STT3B: variants seen among roughly 807,000 people sequenced by gnomAD.
The protein encoded by STT3B is dolichyl-diphosphooligosaccharide--protein glycosyltransferase subunit STT3B.
STT3B carries 29 observed loss-of-function variants against 96.8 expected under a neutral mutation model. The ratio of observed to expected loss-of-function variants is 0.30; its 90% CI spans 0.22 to 0.41. The LOEUF is 0.41. STT3B is among the 10% of genes least tolerant of loss of function. The probability of loss-of-function intolerance (pLI) is 1.00; values close to 1 mark genes in which losing one functional copy is unlikely to be tolerated. For missense variants in STT3B, 640 were observed against 1,022.3 expected (o/e 0.63, Z 5.10); for synonymous variants, 367 against 360.0 (o/e 1.02, Z -0.22).
intron 10 of STT3B, among the ~76,000 whole-genome samples, chr3:31,622,590 T>G (rs2125475959): frequency 6.6e-6 from 1 of 152,284 alleles, no homozygotes; most frequent in African/African-American, 2.4e-5. Context: ...CCTTCCATTT[T>G]TGAGAGCAAA....
intron 6 of STT3B, 116 bp downstream of exon 6, chr3:31,615,319 TCTGA>T: frequency 1.4e-6 from 1 of 698,804 alleles, no homozygotes; most frequent in Non-Finnish European, 2.4e-6. Flanking sequence ...ACCAAAGTAA[TCTGA>T]CTCACAATTA....
chr3:31,619,640 C>G (rs1699384694), intron 8 of STT3B, 36 bp from the exon 9 acceptor site: 1 of 1,568,592 alleles, frequency 6.4e-7, no homozygotes, highest in Non-Finnish European at 8.7e-7. Flanking sequence ...TGTTTTATCA[C>G]TTAATTGTAA....
At chr3:31,606,035 C>G (rs1178220719) in intron 5 of STT3B, among the ~76,000 whole-genome samples, 1 of 152,108 alleles carries the variant, frequency 6.6e-6, no homozygotes, top group African/African-American at 2.4e-5. Context: ...GCATTTTGCC[C>G]CTGCCCTAGA....
chr3:31,549,738 A>G (rs1217056716), intron 1 of STT3B, among the ~76,000 whole-genome samples: 1 of 152,218 alleles, frequency 6.6e-6, no homozygotes, highest in Non-Finnish European at 1.5e-5. Flanking sequence ...ATGTAAATAT[A>G]ACATGTTTAC....
intron 1 of STT3B, among the ~76,000 whole-genome samples, chr3:31,571,594 T>C (rs1698138651): frequency 6.6e-6 from 1 of 152,110 alleles, no homozygotes; most frequent in African/African-American, 2.4e-5. Context: ...AACACATAGA[T>C]TGTCTGTTAC....
intron 1 of STT3B, among the ~76,000 whole-genome samples, chr3:31,548,756 T>C (rs1697477213): frequency 1.3e-5 from 2 of 152,150 alleles, no homozygotes; most frequent in African/African-American, 2.4e-5. Context: ...GGGAGATAAG[T>C]TTTGGTTTCC....
chr3:31,634,460 T>G (rs1699722247), intron 15 of STT3B, among the ~76,000 whole-genome samples: 1 of 152,230 alleles, frequency 6.6e-6, no homozygotes. Flanking sequence ...TAATCTGTCT[T>G]GTGTGCCCAA....
chr3:31,541,839 G>A (rs1040833148), intron 1 of STT3B, among the ~76,000 whole-genome samples: 14 of 152,176 alleles, frequency 9.2e-5, no homozygotes, highest in African/African-American at 3.4e-4. Context: ...GCCTCCCAAA[G>A]TGCTGGGATT....
intron 1 of STT3B, among the ~76,000 whole-genome samples, chr3:31,572,022 AT>A (rs1267636995): frequency 7.4e-5 from 3 of 40,350 alleles, no homozygotes; most frequent in African/African-American, 1.4e-4. Context: ...AAACATATTA[AT>A]ATATATTAAT....
chr3:31,559,150 T>G lies in STT3B; in HGVS notation c.315-17246T>G, dbSNP rs965354889. On this transcript the variant is annotated intron_variant, in intron 1 of 15. Transcript: ENST00000295770. ...TTTTGTTTCATTGATTCTTGGGGTG[T>G]GTGTGTGTGTGTGTGTGTGTGTGTG... Among the ~76,000 whole-genome samples, 349 of 52,194 alleles carry G rather than the reference T, an allele frequency of 6.7e-3. 2 individuals are homozygous for G. The highest frequency in any genetic ancestry group is 0.034 in the African/African-American group (239 of 7,004). The allele number at this position is 52,194 out of a possible 152,430, so 34.2% of individuals were successfully genotyped here.
intron 3 of STT3B, among the ~76,000 whole-genome samples, chr3:31,593,279 T>C (rs144792561): frequency 7.2e-5 from 11 of 152,324 alleles, no homozygotes; most frequent in African/African-American, 2.6e-4. Context: ...GAGTATGTCA[T>C]TCCACTGCCT....
chr3:31,631,136 T>C (rs778889670), intron 14 of STT3B, among the ~76,000 whole-genome samples: 2 of 152,192 alleles, frequency 1.3e-5, no homozygotes, highest in Non-Finnish European at 2.9e-5. Context: ...GTGGCTAATA[T>C]GGACTAGAAT....
chr3:31,630,538 T>C (rs1479348901), intron 14 of STT3B, among the ~76,000 whole-genome samples: 2 of 152,228 alleles, frequency 1.3e-5, no homozygotes, highest in Non-Finnish European at 2.9e-5. Context: ...GCGCCGAACG[T>C]CTTAATAAAT....
chr3:31,606,643 G>A (rs557005893), intron 5 of STT3B, among the ~76,000 whole-genome samples: 90 of 152,344 alleles, frequency 5.9e-4, no homozygotes, highest in African/African-American at 2.1e-3. Context: ...GGATGTCCAG[G>A]CAGAAGTTTG....
chr3:31,538,544 A>G (rs1697156128), intron 1 of STT3B, among the ~76,000 whole-genome samples: 1 of 152,240 alleles, frequency 6.6e-6, no homozygotes, highest in African/African-American at 2.4e-5. Context: ...TGAAACTCCT[A>G]AATTCCTTGA....
At chr3:31,581,282 G>A (rs937719324) in intron 3 of STT3B, among the ~76,000 whole-genome samples, 2 of 152,124 alleles carry the variant, frequency 1.3e-5, no homozygotes, top group African/African-American at 2.4e-5. Flanking sequence ...GCTTCACCTA[G>A]CTCAGCTAAA....
intron 3 of STT3B, among the ~76,000 whole-genome samples, chr3:31,587,357 A>G (rs1575427619): frequency 6.6e-6 from 1 of 152,062 alleles, no homozygotes; most frequent in East Asian, 1.9e-4. Flanking sequence ...TGATTTGCCT[A>G]TTCTGGAATT....
intron 3 of STT3B, among the ~76,000 whole-genome samples, chr3:31,596,586 CAG>C (rs1482626685): frequency 1.3e-5 from 2 of 152,134 alleles, no homozygotes; most frequent in Non-Finnish European, 2.9e-5. Flanking sequence ...AACTACATAA[CAG>C]AGAATGAGAG....
At position 31,636,875 on chromosome 3, in the gene STT3B, A is replaced by G. The variant is rs1334133943; in HGVS notation, c.*811A>G. 6.6e-6 allele frequency: 1 copy of G among 152,198 alleles called. No individual in the cohort carries two copies. The highest frequency in any genetic ancestry group is 1.9e-4 in the East Asian group (1 of 5,198). The allele number at this position is 152,198 out of a possible 1,614,324, so 9.4% of individuals were successfully genotyped here. On this transcript the variant is annotated 3_prime_UTR_variant, in exon 16 of 16. Coordinates refer to ENST00000295770, the MANE Select transcript of STT3B (RefSeq NM_178862.3). The stretch of plus-strand genomic sequence containing the variant: ...GTATCTTAGTACTGAAGTTAGCACT[A>G]TGTTTACATGCAAAAGATTAAGGAA...
Sources: allele counts gnomAD v4.1 joint callset (sites outside exome capture counted in the v4.1 genomes callset), GRCh38; gene constraint gnomAD v4.1.1; transcripts MANE v1.5; gene names NCBI Gene and HGNC (gene_info 2026-07-23, HGNC 2026-07-21).